Variants in LGSN observed in about 807,000 individuals in gnomAD.
LGSN encodes the protein lengsin, lens protein with glutamine synthetase domain, also known as lengsin.
In LGSN, 21 loss-of-function variants were observed where a neutral mutation model predicts 19.5. The observed-to-expected ratio is 1.07, with a 90% CI of 0.76 to 1.55. The LOEUF (loss-of-function observed/expected upper bound fraction) is 1.55. Ranked by LOEUF, LGSN falls within the 40% of genes most tolerant of loss-of-function variation. The pLI, the probability that LGSN is intolerant of heterozygous loss-of-function variation, is 0.00. For missense variants in LGSN, 673 were observed against 608.5 expected, an observed-to-expected ratio of 1.11 and a Z score of -1.12; for synonymous variants, 257 against 215.6, an observed-to-expected ratio of 1.19 and a Z score of -1.68.
the LGSN span, among the ~76,000 whole-genome samples, chr6:63,394,690 G>A: frequency 6.6e-6 from 1 of 152,134 alleles, no homozygotes; most frequent in African/African-American, 2.4e-5. Flanking sequence ...GATTTACCTC[G>A]AATTCTTTTT....
chr6:63,306,980 G>A (rs948302085), intron 1 of LGSN, among the ~76,000 whole-genome samples: 1 of 151,878 alleles, frequency 6.6e-6, no homozygotes, highest in South Asian at 2.1e-4. Flanking sequence ...CAAAACTACC[G>A]GAATGCTGTT....
chr6:63,405,989 T>C, the LGSN span, among the ~76,000 whole-genome samples: 1 of 152,154 alleles, frequency 6.6e-6, no homozygotes, highest in East Asian at 1.9e-4. Flanking sequence ...ATCCTAAATA[T>C]ATATGCAGCC....
chr6:63,344,594 G>A, the LGSN span, among the ~76,000 whole-genome samples: 3 of 152,172 alleles, frequency 2.0e-5, no homozygotes, highest in Non-Finnish European at 4.4e-5. Context: ...CTAGAGGAAA[G>A]CAGTTCTGAA....
the LGSN span, among the ~76,000 whole-genome samples, chr6:63,523,670 C>A: frequency 5.2e-4 from 79 of 152,280 alleles, no homozygotes; most frequent in Middle Eastern, 6.8e-3. Context: ...TGGCCCAGGA[C>A]ACTTTCAATA....
the LGSN span, among the ~76,000 whole-genome samples, chr6:63,548,166 C>T: frequency 1.3e-5 from 2 of 152,138 alleles, no homozygotes; most frequent in African/African-American, 4.8e-5. Context: ...CTCTGATTTC[C>T]CTTAGCACTT....
the LGSN span, among the ~76,000 whole-genome samples, chr6:63,378,572 C>T: frequency 6.6e-6 from 1 of 152,124 alleles, no homozygotes; most frequent in African/African-American, 2.4e-5. Context: ...GGAAGCATGG[C>T]ACCAGCATTG....
the LGSN span, among the ~76,000 whole-genome samples, chr6:63,421,206 GA>G: frequency 1.3e-5 from 2 of 151,614 alleles, no homozygotes; most frequent in Non-Finnish European, 2.9e-5. Flanking sequence ...TGGATCACTT[GA>G]AGTCAGGAGT....
chr6:63,515,634 T>A, the LGSN span, among the ~76,000 whole-genome samples: 1 of 152,242 alleles, frequency 6.6e-6, no homozygotes, highest in Non-Finnish European at 1.5e-5. Flanking sequence ...TATTTACTTT[T>A]TTATTGATTT....
chr6:63,532,078 C>T, the LGSN span, among the ~76,000 whole-genome samples: 4 of 152,176 alleles, frequency 2.6e-5, no homozygotes, highest in East Asian at 1.9e-4. Flanking sequence ...GGATTACAGG[C>T]GTGAGCCACC....
the LGSN span, among the ~76,000 whole-genome samples, chr6:63,462,750 A>G: frequency 6.6e-6 from 1 of 151,462 alleles, no homozygotes; most frequent in Admixed American, 6.6e-5. Context: ...TACTTGCCAT[A>G]AGTTCAAATT....
chr6:63,506,118 G>A, the LGSN span, among the ~76,000 whole-genome samples: 1 of 152,174 alleles, frequency 6.6e-6, no homozygotes, highest in African/African-American at 2.4e-5. Flanking sequence ...TTAGGTTTTT[G>A]ACATAGTGAA....
chr6:63,495,469 T>TTTTTTTTTTTTTTTTTTTTTTTTTTTG, the LGSN span, among the ~76,000 whole-genome samples: 73 of 119,290 alleles, frequency 6.1e-4, no homozygotes, highest in African/African-American at 1.6e-3. Context: ...TTTTTTTTTT[T>TTTTTTTTTTTTTTTTTTTTTTTTTTTG]TTTTTTTGAG....
At chr6:63,505,064 G>A in the LGSN span, among the ~76,000 whole-genome samples, 521 of 152,174 alleles carry the variant, frequency 3.4e-3, 4 homozygotes, top group African/African-American at 0.012. Context: ...TTATCACCAT[G>A]ACCATGGCAT....
At chr6:63,337,485 A>AAAAT in the LGSN span, among the ~76,000 whole-genome samples, 12 of 151,838 alleles carry the variant, frequency 7.9e-5, no homozygotes, top group South Asian at 6.2e-4. Context: ...CTCAATTTTA[A>AAAAT]AAATAAATAA....
intron 1 of LGSN, among the ~76,000 whole-genome samples, chr6:63,297,853 T>G (rs553136678): frequency 1.3e-5 from 2 of 152,236 alleles, no homozygotes; most frequent in South Asian, 4.1e-4. Flanking sequence ...AAACTACTCT[T>G]CTACCAATCA....
At chr6:63,440,531 T>C in the LGSN span, among the ~76,000 whole-genome samples, 2 of 152,192 alleles carry the variant, frequency 1.3e-5, no homozygotes, top group African/African-American at 4.8e-5. Flanking sequence ...CCTTCCCCAG[T>C]ACCAAACAAT....
the LGSN span, among the ~76,000 whole-genome samples, chr6:63,566,975 C>T: frequency 6.6e-6 from 1 of 152,214 alleles, no homozygotes. Flanking sequence ...TTTTCTCCTT[C>T]ATAAGAAGCA....
chr6:63,340,753 T>C, the LGSN span, among the ~76,000 whole-genome samples: 2 of 152,094 alleles, frequency 1.3e-5, no homozygotes, highest in African/African-American at 4.8e-5. Context: ...TTCTTAGGCA[T>C]TTCATAGTTT....
chr6:63,312,877 C>A (rs1024129072), intron 1 of LGSN, among the ~76,000 whole-genome samples: 1 of 152,078 alleles, frequency 6.6e-6, no homozygotes, highest in African/African-American at 2.4e-5. Flanking sequence ...AAAATGACAA[C>A]CACATTTCTG....
Sources: gnomAD v4.1 joint callset for allele counts (sites outside exome capture counted in the v4.1 genomes callset) on GRCh38, gnomAD v4.1.1 for gene constraint, MANE v1.5 for transcripts, NCBI Gene and HGNC (gene_info 2026-07-23, HGNC 2026-07-21) for gene names.